CCDC171: variants seen among roughly 807,000 people sequenced by gnomAD.
CCDC171 encodes the protein coiled-coil domain-containing protein 171.
A neutral mutation model predicts 168.2 loss-of-function variants in CCDC171; 177 were observed. The observed-to-expected ratio is 1.05, with a 90% CI of 0.93 to 1.19. The LOEUF (loss-of-function observed/expected upper bound fraction) is 1.19, where lower values mean the gene tolerates loss of function less well. Among genes scored for constraint, CCDC171 ranks in the 50% most tolerant of loss-of-function variants. The pLI is 0.00. For synonymous variants in CCDC171, 687 were observed against 540.8 expected, an observed-to-expected ratio of 1.27 and a Z score of -3.75; for missense variants, 1,991 against 1,539.0, an observed-to-expected ratio of 1.29 and a Z score of -4.91.
chr9:15,714,619 T>C (rs1393051852), intron 11 of CCDC171, among the ~76,000 whole-genome samples: 5 of 152,132 alleles, frequency 3.3e-5, no homozygotes, highest in African/African-American at 1.2e-4. Context: ...CCCTGTTAGA[T>C]GGTTGCATGT....
intron 23 of CCDC171, 81 bp downstream of exon 23, chr9:15,849,028 A>C (rs2061017894): frequency 2.9e-6 from 2 of 691,424 alleles, no homozygotes; most frequent in Non-Finnish European, 4.7e-6. Flanking sequence ...AAGTACTTTC[A>C]TTGATTTTGA....
At chr9:15,657,767 A>G (rs965529791) in intron 8 of CCDC171, among the ~76,000 whole-genome samples, 17 of 152,308 alleles carry the variant, frequency 1.1e-4, no homozygotes, top group African/African-American at 3.8e-4. Flanking sequence ...ACTGAAATAC[A>G]ATGGGAATAT....
At chr9:15,578,766 A>C in intron 3 of CCDC171, 83 bp from the exon 4 acceptor site, 1 of 1,132,256 alleles carries the variant, frequency 8.8e-7, no homozygotes, top group Non-Finnish European at 1.2e-6. Flanking sequence ...TTATGGAAAC[A>C]AGTTTCTCTA....
At position 15,802,479 on chromosome 9, in the gene CCDC171, C is replaced by T. The variant is rs966112202; in HGVS notation, c.3267+17785C>T. Among the ~76,000 whole-genome samples, 5 of 152,164 alleles carry T rather than the reference C, an allele frequency of 3.3e-5. No individual in the cohort carries two copies. The South Asian group carries it at 8.3e-4, about 25-fold the overall frequency. On this transcript the variant is annotated intron_variant, in intron 21 of 25. Transcript: ENST00000380701. ...TGTGTGTCCATGTGTTCTCATTTAG[C>T]TCCCACTTATAAGTGAGAACATGTG...
intron 16 of CCDC171, among the ~76,000 whole-genome samples, chr9:15,735,016 A>T (rs772575906): frequency 3.3e-5 from 5 of 152,216 alleles, no homozygotes; most frequent in Non-Finnish European, 5.9e-5. Flanking sequence ...AGTAAAAAAC[A>T]ATATTTGGAT....
the CCDC171 span, among the ~76,000 whole-genome samples, chr9:16,088,893 G>T: frequency 1.2e-4 from 19 of 152,108 alleles, no homozygotes; most frequent in South Asian, 3.5e-3. Flanking sequence ...AACAGAGCCC[G>T]TATAGCCAAG....
chr9:15,778,251 T>C (rs935571085), intron 19 of CCDC171, among the ~76,000 whole-genome samples: 15 of 135,254 alleles, frequency 1.1e-4, no homozygotes, highest in Non-Finnish European at 1.7e-4. Context: ...GAGCCGAGAT[T>C]GCGCCACTGC....
intron 21 of CCDC171, among the ~76,000 whole-genome samples, chr9:15,800,937 G>T (rs2058792199): frequency 6.6e-6 from 1 of 151,950 alleles, no homozygotes; most frequent in African/African-American, 2.4e-5. Flanking sequence ...GTGTGGATTT[G>T]TTTCTGGGCT....
At chr9:15,927,818 G>A (rs1410445) in intron 25 of CCDC171, among the ~76,000 whole-genome samples, 48,457 of 151,538 alleles carry the variant, frequency 0.32, 9,472 homozygotes, top group East Asian at 0.61. Context: ...GGGATCATTT[G>A]TTAATTTTAG....
chr9:15,656,916 G>A (rs758230092), intron 7 of CCDC171, among the ~76,000 whole-genome samples: 1 of 151,430 alleles, frequency 6.6e-6, no homozygotes, highest in African/African-American at 2.4e-5. Flanking sequence ...TTATATGTAA[G>A]TTATACCTCT....
chr9:15,626,249 C>T (rs543969668), intron 7 of CCDC171, among the ~76,000 whole-genome samples: 16 of 152,078 alleles, frequency 1.1e-4, no homozygotes, highest in South Asian at 6.2e-4. Flanking sequence ...TATACAATCA[C>T]GTCATCTGAA....
intron 3 of CCDC171, among the ~76,000 whole-genome samples, chr9:15,979,873 C>T (rs1460175733): frequency 6.6e-6 from 1 of 151,738 alleles, no homozygotes; most frequent in African/African-American, 2.4e-5. Flanking sequence ...ATTTTTTGAA[C>T]ATACTTAGAA....
chr9:16,055,433 G>A (rs1586866817), intron 1 of CCDC171, among the ~76,000 whole-genome samples: 1 of 152,270 alleles, frequency 6.6e-6, no homozygotes, highest in African/African-American at 2.4e-5. Context: ...TGAAGAGGAA[G>A]AGGAGACCGG....
At chr9:15,579,273 A>G (rs568170790) in intron 4 of CCDC171, among the ~76,000 whole-genome samples, 1 of 152,308 alleles carries the variant, frequency 6.6e-6, no homozygotes, top group South Asian at 2.1e-4. Flanking sequence ...CTCTTAAGTC[A>G]CTTTTTAGAA....
intron 11 of CCDC171, among the ~76,000 whole-genome samples, chr9:15,700,240 C>T (rs2051605183): frequency 6.6e-6 from 1 of 152,216 alleles, no homozygotes; most frequent in Non-Finnish European, 1.5e-5. Flanking sequence ...GGTGGGCTGG[C>T]ACTGCTGGGG....
the CCDC171 span, among the ~76,000 whole-genome samples, chr9:16,081,001 C>A: frequency 6.6e-6 from 1 of 152,234 alleles, no homozygotes; most frequent in African/African-American, 2.4e-5. Context: ...GTCTCTCTTG[C>A]GGAACTTAGA....
At chr9:15,999,158 C>A (rs1362446650) in intron 3 of CCDC171, among the ~76,000 whole-genome samples, 2 of 149,988 alleles carry the variant, frequency 1.3e-5, no homozygotes, top group Non-Finnish European at 3.0e-5. Flanking sequence ...CTGCCATGAG[C>A]TATGATTGCA....
intron 6 of CCDC171, among the ~76,000 whole-genome samples, chr9:15,622,159 T>A (rs939046756): frequency 6.6e-6 from 1 of 151,898 alleles, no homozygotes; most frequent in African/African-American, 2.4e-5. Context: ...AGGAAGAGGA[T>A]CAGAAAAAAT....
chr9:15,803,185 A>C (rs1478493376), intron 21 of CCDC171, among the ~76,000 whole-genome samples: 1 of 152,200 alleles, frequency 6.6e-6, no homozygotes, highest in Non-Finnish European at 1.5e-5. Flanking sequence ...ATAGAATTGC[A>C]AAAATTTCTC....
Sources: gnomAD v4.1 joint callset for allele counts (sites outside exome capture counted in the v4.1 genomes callset) on GRCh38, gnomAD v4.1.1 for gene constraint, MANE v1.5 for transcripts, NCBI Gene and HGNC (gene_info 2026-07-23, HGNC 2026-07-21) for gene names.